The following SLC38A12 variants were observed in gnomAD, a reference collection of about 807,000 sequenced individuals.
The protein encoded by SLC38A12 is putative sodium-coupled neutral amino acid transporter 12.
At chr17:74,813,034 T>A in the SLC38A12 span, among the ~76,000 whole-genome samples, 2 of 152,194 alleles carry the variant, frequency 1.3e-5, no homozygotes, top group African/African-American at 4.8e-5. Context: ...CTTAGAGAAC[T>A]GCCCACATAG....
the SLC38A12 span, among the ~76,000 whole-genome samples, chr17:74,798,680 T>C: frequency 1.3e-5 from 2 of 152,336 alleles, no homozygotes; most frequent in South Asian, 2.1e-4. Context: ...AGCCCTGTTA[T>C]TAGGGCCCAT....
chr17:74,781,069 C>A, the SLC38A12 span, among the ~76,000 whole-genome samples: 5 of 152,174 alleles, frequency 3.3e-5, no homozygotes, highest in Non-Finnish European at 2.9e-5. Flanking sequence ...TTACCGGCAC[C>A]TAGTGGGCAA....
At chr17:74,787,450 G>C in the SLC38A12 span, among the ~76,000 whole-genome samples, 3 of 151,144 alleles carry the variant, frequency 2.0e-5, no homozygotes, top group Admixed American at 6.6e-5. Flanking sequence ...GTGAAACCCC[G>C]TCTCTACTAA....
chr17:74,795,635 G>T, the SLC38A12 span: 1 of 1,612,564 alleles, frequency 6.2e-7, no homozygotes, highest in Non-Finnish European at 8.5e-7. Context: ...TCTACTTGGT[G>T]AGTGTCTGTG....
chr17:74,838,328 G>T, the SLC38A12 span: 1 of 989,396 alleles, frequency 1.0e-6, no homozygotes, highest in Non-Finnish European at 1.2e-6. Flanking sequence ...TAGAGCAGGG[G>T]CCTGCAGTGG....
At chr17:74,799,159 G>C in the SLC38A12 span, among the ~76,000 whole-genome samples, 1 of 152,200 alleles carries the variant, frequency 6.6e-6, no homozygotes, top group Non-Finnish European at 1.5e-5. Context: ...GAGGGAAGCA[G>C]TGTCAGAGGG....
chr17:74,777,305 C>G, the SLC38A12 span: 1 of 1,614,072 alleles, frequency 6.2e-7, no homozygotes, highest in East Asian at 2.2e-5. Context: ...GGAACCTCTG[C>G]TGCCAGCCCT....
the SLC38A12 span, among the ~76,000 whole-genome samples, chr17:74,809,991 T>C: frequency 1.6e-4 from 24 of 152,208 alleles, no homozygotes; most frequent in Non-Finnish European, 3.1e-4. Context: ...GCTGAGCTCC[T>C]GCTGCGAGGA....
chr17:74,781,542 G>A, the SLC38A12 span, among the ~76,000 whole-genome samples: 1 of 152,200 alleles, frequency 6.6e-6, no homozygotes, highest in East Asian at 1.9e-4. Context: ...CACCTCAGGA[G>A]TTCTGGGATC....
chr17:74,798,582 G>C, the SLC38A12 span, among the ~76,000 whole-genome samples: 2 of 152,200 alleles, frequency 1.3e-5, no homozygotes, highest in African/African-American at 2.4e-5. Context: ...GGTGCTGGGG[G>C]GTGGAGGTCC....
the SLC38A12 span, among the ~76,000 whole-genome samples, chr17:74,825,025 G>A: frequency 3.3e-5 from 5 of 152,214 alleles, no homozygotes; most frequent in Non-Finnish European, 7.3e-5. Context: ...ATCACCACCG[G>A]CAGCCAGGGG....
the SLC38A12 span, chr17:74,776,596 T>TCGGGA: frequency 8.7e-6 from 1 of 115,046 alleles, no homozygotes; most frequent in African/African-American, 3.1e-5. Flanking sequence ...TCGGGTCGGG[T>TCGGGA]CGGGACGGGC....
chr17:74,832,093 G>C, the SLC38A12 span, among the ~76,000 whole-genome samples: 1 of 152,120 alleles, frequency 6.6e-6, no homozygotes, highest in East Asian at 1.9e-4. Flanking sequence ...GGGGCCACAG[G>C]AGCCTCGCCA....
chr17:74,783,107 G>C, the SLC38A12 span, among the ~76,000 whole-genome samples: 1 of 152,302 alleles, frequency 6.6e-6, no homozygotes, highest in East Asian at 1.9e-4. Flanking sequence ...TCCAACTTGG[G>C]CAACAGAGCG....
chr17:74,834,653 G>T, the SLC38A12 span, among the ~76,000 whole-genome samples: 1 of 152,178 alleles, frequency 6.6e-6, no homozygotes, highest in Non-Finnish European at 1.5e-5. Flanking sequence ...CTCTGCGGGG[G>T]GCCCCAGACA....
chr17:74,783,321 A>G, the SLC38A12 span, among the ~76,000 whole-genome samples: 1 of 152,240 alleles, frequency 6.6e-6, no homozygotes, highest in Non-Finnish European at 1.5e-5. Context: ...CTTCATATTT[A>G]GTAACAGGGA....
the SLC38A12 span, among the ~76,000 whole-genome samples, chr17:74,820,579 G>A: frequency 3.9e-5 from 6 of 152,212 alleles, no homozygotes; most frequent in Admixed American, 2.6e-4. Flanking sequence ...GGCTTTGGGC[G>A]TCTGTTGGAC....
the SLC38A12 span, among the ~76,000 whole-genome samples, chr17:74,833,272 C>T: frequency 6.6e-6 from 1 of 152,258 alleles, no homozygotes; most frequent in African/African-American, 2.4e-5. Context: ...GCCTCGGCCT[C>T]CCAAGGTGCT....
chr17:74,809,229 AG>A, the SLC38A12 span, among the ~76,000 whole-genome samples: 1 of 152,232 alleles, frequency 6.6e-6, no homozygotes, highest in Non-Finnish European at 1.5e-5. Flanking sequence ...TGCCTTGAAA[AG>A]GGGGAAGCAG....
Sources: gnomAD v4.1 joint callset for allele counts (sites outside exome capture counted in the v4.1 genomes callset) on GRCh38, gnomAD v4.1.1 for gene constraint, MANE v1.5 for transcripts, NCBI Gene and HGNC (gene_info 2026-07-23, HGNC 2026-07-21) for gene names.